SRGAP1: variants seen among roughly 807,000 people sequenced by gnomAD.
The protein encoded by SRGAP1 is SLIT-ROBO Rho GTPase activating protein 1.
Under a neutral mutation model 121.9 loss-of-function variants are expected in SRGAP1, and 43 were observed. The ratio of observed to expected loss-of-function variants is 0.35; its 90% CI spans 0.28 to 0.46. The LOEUF (loss-of-function observed/expected upper bound fraction) is 0.46, where lower values mean the gene tolerates loss of function less well. Ranked by LOEUF, SRGAP1 falls within the 20% of genes least tolerant of loss-of-function variation. The pLI is 1.00. For synonymous variants in SRGAP1, 447 were observed against 485.4 expected, an observed-to-expected ratio of 0.92 and a Z score of 1.04; for missense variants, 1,102 against 1,350.9, an observed-to-expected ratio of 0.82 and a Z score of 2.89.
chr12:63,873,497 C>T (rs1429184956), intron 1 of SRGAP1, among the ~76,000 whole-genome samples: 1 of 146,258 alleles, frequency 6.8e-6, no homozygotes, highest in African/African-American at 2.5e-5. Context: ...TGAGCCATTC[C>T]ACTCCAACCT....
At chr12:63,956,624 A>C (rs1019163133) in intron 1 of SRGAP1, among the ~76,000 whole-genome samples, 12 of 152,198 alleles carry the variant, frequency 7.9e-5, no homozygotes, top group Non-Finnish European at 1.5e-5. Context: ...CTAATACAAC[A>C]AAAATGTAAG....
chr12:63,949,729 A>G (rs993443856), intron 1 of SRGAP1, among the ~76,000 whole-genome samples: 2 of 152,134 alleles, frequency 1.3e-5, no homozygotes, highest in African/African-American at 4.8e-5. Flanking sequence ...TATTGTAGAA[A>G]TGCGGTAGAG....
chr12:64,049,477 T>C (rs1038075489), intron 6 of SRGAP1, among the ~76,000 whole-genome samples: 3 of 152,182 alleles, frequency 2.0e-5, no homozygotes, highest in African/African-American at 7.2e-5. Context: ...AAGCCCCATA[T>C]AAAACCATCA....
chr12:64,046,287 A>T (rs535906613), intron 6 of SRGAP1, among the ~76,000 whole-genome samples: 8 of 152,176 alleles, frequency 5.3e-5, no homozygotes, highest in Admixed American at 4.6e-4. Flanking sequence ...ATTTTGTTCT[A>T]TGTGTGATGG....
chr12:64,053,104 G>A (rs2035269599), intron 6 of SRGAP1, among the ~76,000 whole-genome samples: 3 of 152,198 alleles, frequency 2.0e-5, no homozygotes, highest in African/African-American at 7.2e-5. Flanking sequence ...GAGCAGAAAT[G>A]TAGAGGAGTA....
chr12:63,917,729 C>A (rs2030850601), intron 1 of SRGAP1, among the ~76,000 whole-genome samples: 1 of 149,876 alleles, frequency 6.7e-6, no homozygotes, highest in Non-Finnish European at 1.5e-5. Context: ...TGCTTAGGCC[C>A]AAATTTGAAA....
intron 1 of SRGAP1, 123 bp from the exon 2 acceptor site, chr12:63,983,824 A>ATATATATATATATATT (rs2033331730): frequency 1.3e-5 from 1 of 78,322 alleles, no homozygotes; most frequent in Non-Finnish European, 2.5e-5. Flanking sequence ...ATATATATAT[A>ATATATATATATATATT]TATATATATA....
In SRGAP1 at chr12:64,151,665, T is replaced by G. The variant is rs889369873; in HGVS notation, c.*8993T>G. 6.6e-6 allele frequency: 1 copy of G among 152,184 alleles called. No individual in the cohort carries two copies. The highest frequency in any genetic ancestry group is 2.4e-5 in the African/African-American group (1 of 41,440). The allele number at this position is 152,184 out of a possible 1,614,324, so 9.4% of individuals were successfully genotyped here. A position where few individuals can be genotyped will look rare whatever the true frequency, so the allele number is the denominator to read the frequency against. On this transcript the variant is annotated 3_prime_UTR_variant, in exon 22 of 22. Transcript: ENST00000355086. Reference sequence around the variant, plus strand: ...AAACATGGTCATGTTTCTTTACCAGTGTACTAGGTGAGTGATAGGCTCAAT... The same window carrying G: ...AAACATGGTCATGTTTCTTTACCAGGGTACTAGGTGAGTGATAGGCTCAAT...
At chr12:64,044,674 C>CTTTTTTTTGTT (rs2035090409) in intron 6 of SRGAP1, among the ~76,000 whole-genome samples, 1 of 72,118 alleles carries the variant, frequency 1.4e-5, no homozygotes, top group Non-Finnish European at 2.9e-5. Flanking sequence ...TGATGTGCCT[C>CTTTTTTTTGTT]TTTTTTTTTT....
At chr12:64,025,684 G>A (rs1198858392) in intron 4 of SRGAP1, among the ~76,000 whole-genome samples, 1 of 152,166 alleles carries the variant, frequency 6.6e-6, no homozygotes, top group South Asian at 2.1e-4. Context: ...TCTATTTAGG[G>A]ACCTTGGGCT....
chr12:63,893,075 G>C (rs1302143286), intron 1 of SRGAP1, among the ~76,000 whole-genome samples: 1 of 152,140 alleles, frequency 6.6e-6, no homozygotes, highest in Admixed American at 6.6e-5. Flanking sequence ...ACATATCTAA[G>C]CTATTGCTAC....
At chr12:63,866,720 A>G (rs574354421) in intron 1 of SRGAP1, among the ~76,000 whole-genome samples, 116 of 151,840 alleles carry the variant, frequency 7.6e-4, no homozygotes, top group Admixed American at 1.2e-3. Context: ...TAGTTAATAT[A>G]GACTTTTTTT....
intron 1 of SRGAP1, chr12:63,983,587 G>C (rs998646135): frequency 6.6e-6 from 1 of 151,380 alleles, no homozygotes; most frequent in East Asian, 2.0e-4. Context: ...AGTGACTCAC[G>C]CCTGTAATCC....
Position 64,054,387 on chromosome 12 carries a change from G to A in SRGAP1, c.802-8530G>A, listed in dbSNP as rs563230282. Reference sequence around the variant, plus strand: ...TTATCTTTTCTGAATAATCAGCTACGTTAAAGCTTTTAGCCTTATCTTTTT... The same window carrying A: ...TTATCTTTTCTGAATAATCAGCTACATTAAAGCTTTTAGCCTTATCTTTTT... On this transcript the variant is annotated intron_variant, in intron 6 of 21. Transcript: ENST00000355086. Among the ~76,000 whole-genome samples the A allele has an allele frequency of 1.1e-3, 160 of 152,194 alleles. 2 individuals carry two copies. The highest frequency in any genetic ancestry group is 1.9e-3 in the African/African-American group (79 of 41,526).
Position 63,872,861 on chromosome 12 carries a change from T to TA in SRGAP1, c.67+27979dup, listed in dbSNP as rs1899900666. On this transcript the variant is annotated intron_variant, in intron 1 of 21. Coordinates refer to ENST00000355086, the MANE Select transcript of SRGAP1 (RefSeq NM_020762.4). ...AGAGTCTGTTAGAGATATCTTAATT[T>TA]ATGGGAATATTGTGGAGGAAGAAAT... is the stretch of plus-strand genomic sequence containing the variant. Among the ~76,000 whole-genome samples, 6 of 152,322 alleles carry TA rather than the reference T, an allele frequency of 3.9e-5. No homozygotes were observed. The South Asian group carries it at 1.2e-3, about 32-fold the overall frequency.
intron 1 of SRGAP1, among the ~76,000 whole-genome samples, chr12:63,973,629 A>T (rs945421864): frequency 6.6e-6 from 1 of 152,244 alleles, no homozygotes; most frequent in Non-Finnish European, 1.5e-5. Flanking sequence ...AAACTTTTCT[A>T]GTAGACATTT....
chr12:63,898,664 G>T (rs559831027), intron 1 of SRGAP1, among the ~76,000 whole-genome samples: 1 of 152,300 alleles, frequency 6.6e-6, no homozygotes, highest in South Asian at 2.1e-4. Context: ...CATTTGAAAT[G>T]ATAGTATTAA....
intron 6 of SRGAP1, among the ~76,000 whole-genome samples, chr12:64,056,046 A>T (rs2035333969): frequency 7.0e-6 from 1 of 143,618 alleles, no homozygotes; most frequent in Non-Finnish European, 1.6e-5. Context: ...TACTGTCATC[A>T]TCCTCCACAC....
At chr12:64,086,595 CCTT>C (rs578125311) in intron 10 of SRGAP1, among the ~76,000 whole-genome samples, 341 of 152,178 alleles carry the variant, frequency 2.2e-3, no homozygotes, top group African/African-American at 7.7e-3. Flanking sequence ...TTGAACCCAT[CCTT>C]CTCGCTAACA....
Sources: gnomAD v4.1 joint callset for allele counts (sites outside exome capture counted in the v4.1 genomes callset) on GRCh38, gnomAD v4.1.1 for gene constraint, MANE v1.5 for transcripts, NCBI Gene and HGNC (gene_info 2026-07-23, HGNC 2026-07-21) for gene names.